The following GRXCR1 variants were observed in gnomAD, a reference collection of about 807,000 sequenced individuals.
GRXCR1 encodes the protein glutaredoxin domain-containing cysteine-rich protein 1.
Under a neutral mutation model 27.3 loss-of-function variants are expected in GRXCR1, and 27 were observed. The observed-to-expected ratio is 0.99, with a 90% CI of 0.73 to 1.37. GRXCR1 has a LOEUF of 1.37. Ranked by LOEUF, GRXCR1 falls within the 40% of genes most tolerant of loss-of-function variation. The probability of loss-of-function intolerance (pLI) is 0.00; values close to 1 mark genes in which losing one functional copy is unlikely to be tolerated. For missense variants in GRXCR1, 379 were observed against 354.4 expected (o/e 1.07, Z -0.56); for synonymous variants, 122 against 131.1 (o/e 0.93, Z 0.47).
chr4:43,017,179 G>A (rs998521095), intron 2 of GRXCR1, among the ~76,000 whole-genome samples: 2 of 152,192 alleles, frequency 1.3e-5, no homozygotes, highest in East Asian at 1.9e-4. Context: ...CATTCTGGGC[G>A]TGGAGTCACT....
intron 2 of GRXCR1, among the ~76,000 whole-genome samples, chr4:42,974,593 G>A (rs1164026629): frequency 2.0e-5 from 3 of 152,040 alleles, no homozygotes; most frequent in African/African-American, 7.2e-5. Context: ...ATTTTATGAA[G>A]TTTATAGGGC....
At chr4:42,952,439 C>T (rs1005812337) in intron 1 of GRXCR1, among the ~76,000 whole-genome samples, 1 of 152,016 alleles carries the variant, frequency 6.6e-6, no homozygotes, top group Non-Finnish European at 1.5e-5. Flanking sequence ...GCTGACTATA[C>T]CATCCTAACC....
At chr4:42,910,190 G>T (rs1423373672) in intron 1 of GRXCR1, among the ~76,000 whole-genome samples, 1 of 152,064 alleles carries the variant, frequency 6.6e-6, no homozygotes, top group Admixed American at 6.6e-5. Context: ...CGGCATGGGG[G>T]AAACCACCCC....
chr4:42,893,909 T>C (rs1746292122), intron 1 of GRXCR1, among the ~76,000 whole-genome samples: 1 of 152,180 alleles, frequency 6.6e-6, no homozygotes, highest in African/African-American at 2.4e-5. Flanking sequence ...TGATGACTAA[T>C]ATAACCTGTC....
rs1018520367 is a variant in GRXCR1 at position 42,942,059 on chromosome 4, C to A, written c.385-20833C>A. ...AATTCACAGCTTGTTCTTGTCCTGT[C>A]TTTAAAAGAGAGAGTAAAGCTAAAA... On this transcript the variant is annotated intron_variant, in intron 1 of 3. Transcript: ENST00000399770. Among the ~76,000 whole-genome samples the A allele has an allele frequency of 9.9e-5, 15 of 151,912 alleles. 1 individual carries two copies. The highest frequency in any genetic ancestry group is 9.9e-4 in the Admixed American group (15 of 15,222).
intron 2 of GRXCR1, among the ~76,000 whole-genome samples, chr4:43,010,443 A>G (rs1188318114): frequency 1.3e-5 from 2 of 151,766 alleles, no homozygotes; most frequent in East Asian, 1.9e-4. Context: ...AGTTGTATGC[A>G]TTACTTTTGC....
At chr4:42,943,950 C>A (rs920545943) in intron 1 of GRXCR1, among the ~76,000 whole-genome samples, 2 of 151,956 alleles carry the variant, frequency 1.3e-5, no homozygotes, top group Non-Finnish European at 2.9e-5. Flanking sequence ...TCCAAAATAT[C>A]AATGGTGCTA....
At chr4:43,004,517 C>T (rs898632541) in intron 2 of GRXCR1, among the ~76,000 whole-genome samples, 1 of 152,230 alleles carries the variant, frequency 6.6e-6, no homozygotes, top group African/African-American at 2.4e-5. Flanking sequence ...CACTCAACGA[C>T]AGCCCATGAA....
At chr4:42,940,465 A>G (rs952744149) in intron 1 of GRXCR1, among the ~76,000 whole-genome samples, 1 of 152,062 alleles carries the variant, frequency 6.6e-6, no homozygotes, top group Non-Finnish European at 1.5e-5. Context: ...TAAGGATGGG[A>G]GCAACAACTT....
intron 1 of GRXCR1, among the ~76,000 whole-genome samples, chr4:42,903,725 C>G (rs1746521985): frequency 7.2e-6 from 1 of 138,884 alleles, no homozygotes; most frequent in African/African-American, 2.6e-5. Flanking sequence ...GCCAATGTTT[C>G]CTGCTTCAGC....
At chr4:42,956,248 C>T (rs973109641) in intron 1 of GRXCR1, among the ~76,000 whole-genome samples, 1 of 151,992 alleles carries the variant, frequency 6.6e-6, no homozygotes, top group Non-Finnish European at 1.5e-5. Flanking sequence ...CCATCTAGGT[C>T]GGCTCTCTCA....
intron 1 of GRXCR1, among the ~76,000 whole-genome samples, chr4:42,932,006 C>T (rs1311023025): frequency 6.6e-6 from 1 of 151,884 alleles, no homozygotes; most frequent in Non-Finnish European, 1.5e-5. Flanking sequence ...TCTCGTGAGA[C>T]TTATTCACTA....
chr4:42,968,772 A>G (rs1168538276), intron 2 of GRXCR1, among the ~76,000 whole-genome samples: 2 of 152,096 alleles, frequency 1.3e-5, no homozygotes, highest in East Asian at 3.9e-4. Flanking sequence ...CTTTTCAAAG[A>G]GTTTTTTTTT....
In GRXCR1 at chr4:42,893,499, A is replaced by G. The variant is rs372995631; in HGVS notation, c.233A>G (p.Asp78Gly). ...SEGDENENDQDSLLVLARAAS... is the reference protein window; with the variant it reads ...SEGDENENDQGSLLVLARAAS... ...GGTGATGAGAATGAGAATGACCAGGATAGCTTGCTGGTGTTAGCAAGGGCT... is the reference window on the plus strand; with the variant it reads ...GGTGATGAGAATGAGAATGACCAGGGTAGCTTGCTGGTGTTAGCAAGGGCT... The change falls in exon 1 of 4, where the codon GAT (aspartate) becomes GGT (glycine). Residue 78 changes from aspartate (D) to glycine (G), a missense_variant. Asp to Gly is a moderately conservative substitution (Grantham distance 94). Coordinates refer to ENST00000399770, the MANE Select transcript of GRXCR1 (RefSeq NM_001080476.3). 4 of 1,613,904 alleles carry G rather than the reference A, an allele frequency of 2.5e-6. No individual in the cohort carries two copies. Among genetic ancestry groups the G allele is most frequent in the Non-Finnish European group, 3.4e-6 (4 of 1,179,850 alleles).
chr4:42,894,896 G>A (rs1746314226), intron 1 of GRXCR1, among the ~76,000 whole-genome samples: 1 of 152,060 alleles, frequency 6.6e-6, no homozygotes, highest in African/African-American at 2.4e-5. Context: ...TTGCTAAGGA[G>A]TAGACCAAGA....
intron 2 of GRXCR1, among the ~76,000 whole-genome samples, chr4:43,012,679 C>A (rs1166856070): frequency 6.6e-6 from 1 of 152,072 alleles, no homozygotes. Context: ...TTATTATACC[C>A]ATTTTACAAA....
At chr4:43,019,396 A>G (rs1713031532) in intron 2 of GRXCR1, among the ~76,000 whole-genome samples, 1 of 152,214 alleles carries the variant, frequency 6.6e-6, no homozygotes, top group Admixed American at 6.5e-5. Flanking sequence ...GTAGGAATAA[A>G]AAATGTTTAG....
Position 42,963,134 on chromosome 4 carries a change from G to A in GRXCR1, c.627G>A (p.Gly209=), listed in dbSNP as rs779522637. 18 of 1,612,410 alleles carry A rather than the reference G, an allele frequency of 1.1e-5. No homozygotes were observed. Among genetic ancestry groups the A allele is most frequent in the Admixed American group, 1.7e-5 (1 of 59,894 alleles). The part of the protein sequence containing the change: ...PVVFIDGHYL[G]GAEKILSMNE... Reference sequence around the variant, plus strand: ...TGTTCATTGATGGCCATTACCTTGGGGTAAGTAAGCTGCCCAGGAAAGTCT... The same window carrying A: ...TGTTCATTGATGGCCATTACCTTGGAGTAAGTAAGCTGCCCAGGAAAGTCT... The change falls in exon 2 of 4, where the codon GGG becomes GGA. Residue 209 remains glycine (G), a splice_region_variant and synonymous_variant. Coordinates refer to ENST00000399770, the MANE Select transcript of GRXCR1 (RefSeq NM_001080476.3).
At chr4:42,992,530 G>A (rs7690056) in intron 2 of GRXCR1, among the ~76,000 whole-genome samples, 72,384 of 151,950 alleles carry the variant, frequency 0.48, 18,559 homozygotes, top group African/African-American at 0.68. Context: ...TTGAATTACA[G>A]TTTTCTTGCT....
Sources: gnomAD v4.1 joint callset for allele counts (sites outside exome capture counted in the v4.1 genomes callset) on GRCh38, gnomAD v4.1.1 for gene constraint, MANE v1.5 for transcripts, NCBI Gene and HGNC (gene_info 2026-07-23, HGNC 2026-07-21) for gene names.